Variants in LANCL3 observed in about 807,000 individuals in gnomAD.
LANCL3 encodes LanC like family member 3.
LANCL3 carries 19 observed loss-of-function variants against 26.5 expected under a neutral mutation model. The observed-to-expected ratio is 0.72, with a 90% CI of 0.50 to 1.05. The LOEUF is 1.05. Among genes scored for constraint, LANCL3 ranks in the 50% least tolerant of loss-of-function variants. The probability of loss-of-function intolerance (pLI) is 0.00; values close to 1 mark genes in which losing one functional copy is unlikely to be tolerated. For missense variants in LANCL3, 318 were observed against 362.7 expected, an observed-to-expected ratio of 0.88 and a Z score of 1.00; for synonymous variants, 160 against 166.6, an observed-to-expected ratio of 0.96 and a Z score of 0.30.
At chrX:37,604,726 T>A (rs1556420368) in intron 1 of LANCL3, among the ~76,000 whole-genome samples, 1 of 112,417 alleles carries the variant, frequency 8.9e-6, no homozygotes, top group African/African-American at 3.2e-5. Flanking sequence ...TTGGAAGTGT[T>A]GCACCGTCAC....
intron 1 of LANCL3, among the ~76,000 whole-genome samples, chrX:37,588,197 A>T (rs1924160315): frequency 8.9e-6 from 1 of 112,122 alleles, no homozygotes; most frequent in South Asian, 3.7e-4. Context: ...TTAATTTAGT[A>T]AATGATGTTT....
At chrX:37,585,007 CATT>C (rs1556417639) in intron 1 of LANCL3, among the ~76,000 whole-genome samples, 2 of 111,897 alleles carry the variant, frequency 1.8e-5, no homozygotes, top group African/African-American at 6.5e-5. Flanking sequence ...TCTTTGTTCT[CATT>C]GGTTTCAGAG....
intron 1 of LANCL3, among the ~76,000 whole-genome samples, chrX:37,634,221 G>T (rs1433818490): frequency 2.7e-5 from 3 of 112,655 alleles, no homozygotes; most frequent in African/African-American, 9.7e-5. Flanking sequence ...CTCCGTGGAC[G>T]TAGGACCCTT....
At chrX:37,653,653 T>A (rs1421507148) in intron 1 of LANCL3, among the ~76,000 whole-genome samples, 1 of 112,363 alleles carries the variant, frequency 8.9e-6, no homozygotes, top group Non-Finnish European at 1.9e-5. Context: ...CAGTTGGCAC[T>A]GATAAAGACA....
Position 37,684,086 on chromosome X carries a change from C to T in LANCL3, c.*8273C>T, listed in dbSNP as rs1301144528. The T allele has an allele frequency of 8.9e-6, 1 of 112,009 alleles. No homozygotes were observed. Among genetic ancestry groups the T allele is most frequent in the Non-Finnish European group, 1.9e-5 (1 of 53,189 alleles). The allele number at this position is 112,009 out of a possible 1,213,427, so 9.2% of individuals were successfully genotyped here. A position where few individuals can be genotyped will look rare whatever the true frequency, so the allele number is the denominator to read the frequency against. ...CTTGCAAATGCTCATCAGAATTTAGCTTTTGTTATTGGTTGTTCTGCAGGG... is the reference window on the plus strand; with the variant it reads ...CTTGCAAATGCTCATCAGAATTTAGTTTTTGTTATTGGTTGTTCTGCAGGG... On this transcript the variant is annotated 3_prime_UTR_variant, in exon 5 of 5. Coordinates refer to ENST00000378619, the MANE Select transcript of LANCL3 (RefSeq NM_001170331.2).
At chrX:37,634,323 G>A (rs1925639611) in intron 1 of LANCL3, among the ~76,000 whole-genome samples, 1 of 112,691 alleles carries the variant, frequency 8.9e-6, no homozygotes, top group African/African-American at 3.2e-5. Flanking sequence ...CCAATTTTCC[G>A]ATTTTCCAGG....
chrX:37,650,333 C>T (rs1444335243), intron 1 of LANCL3, among the ~76,000 whole-genome samples: 1 of 100,930 alleles, frequency 9.9e-6, no homozygotes, highest in Non-Finnish European at 2.0e-5. Flanking sequence ...GCCCCAATGC[C>T]GGGTCCCATG....
intron 3 of LANCL3, among the ~76,000 whole-genome samples, chrX:37,664,024 G>A (rs1556433260): frequency 8.9e-6 from 1 of 111,904 alleles, no homozygotes; most frequent in Non-Finnish European, 1.9e-5. Context: ...TCCCTGTGAG[G>A]GGTGGCTGCA....
At chrX:37,596,067 C>G (rs1445445956) in intron 1 of LANCL3, among the ~76,000 whole-genome samples, 1 of 112,136 alleles carries the variant, frequency 8.9e-6, no homozygotes, top group Non-Finnish European at 1.9e-5. Context: ...AATATCTAAT[C>G]ATATCCTTCT....
intron 1 of LANCL3, among the ~76,000 whole-genome samples, chrX:37,575,027 G>A (rs1923710687): frequency 9.2e-6 from 1 of 109,186 alleles, no homozygotes. Context: ...CTGGGCTCAG[G>A]CGATCCTCCT....
intron 1 of LANCL3, among the ~76,000 whole-genome samples, chrX:37,643,052 A>G (rs1213697748): frequency 1.8e-5 from 2 of 112,083 alleles, no homozygotes; most frequent in Non-Finnish European, 3.8e-5. Flanking sequence ...AGAGAAAGGT[A>G]TGATGTGAAA....
chrX:37,611,371 G>GT (rs781873024), intron 1 of LANCL3, among the ~76,000 whole-genome samples: 8 of 110,574 alleles, frequency 7.2e-5, no homozygotes, highest in African/African-American at 2.3e-4. Flanking sequence ...GCTGTGGTGG[G>GT]TTTTTTTTGA....
At chrX:37,672,865 G>T (rs1469902006) in intron 4 of LANCL3, among the ~76,000 whole-genome samples, 1 of 111,700 alleles carries the variant, frequency 9.0e-6, no homozygotes, top group Non-Finnish European at 1.9e-5. Flanking sequence ...TTGCCATGGG[G>T]AGCCCATTTT....
intron 1 of LANCL3, among the ~76,000 whole-genome samples, chrX:37,647,851 G>A (rs1477486535): frequency 8.9e-6 from 1 of 112,819 alleles, no homozygotes; most frequent in African/African-American, 3.2e-5. Context: ...GTTTCCTTGG[G>A]CTCTACCCAC....
rs1300711847 is a variant in LANCL3, at chrX:37,679,954, T to A, written c.*4141T>A. ...CCCTGATTCACCAACTTCTCCTTCT[T>A]CTCCTCTTTAAATATTATAGTTCAT... is the stretch of plus-strand genomic sequence containing the variant. On this transcript the variant is annotated 3_prime_UTR_variant, in exon 5 of 5. Transcript: ENST00000378619. The A allele has an allele frequency of 9.0e-6, 1 of 111,643 alleles. No homozygotes were observed. The highest frequency in any genetic ancestry group is 1.9e-5 in the Non-Finnish European group (1 of 53,136). 9.2% of individuals were successfully genotyped at this position (111,643 alleles called of 1,213,427 possible).
chrX:37,646,094 G>A (rs1181242103), intron 1 of LANCL3, among the ~76,000 whole-genome samples: 3 of 112,413 alleles, frequency 2.7e-5, no homozygotes, highest in African/African-American at 9.7e-5. Context: ...CTACTTTTAG[G>A]ATTTAAATGA....
At chrX:37,616,190 A>C (rs1925002180) in intron 1 of LANCL3, among the ~76,000 whole-genome samples, 1 of 111,603 alleles carries the variant, frequency 9.0e-6, no homozygotes, top group Non-Finnish European at 1.9e-5. Flanking sequence ...AGAACTCTCT[A>C]TCCACTCCTA....
intron 3 of LANCL3, among the ~76,000 whole-genome samples, chrX:37,662,442 G>C (rs1220866729): frequency 1.8e-5 from 2 of 111,812 alleles, no homozygotes; most frequent in African/African-American, 6.5e-5. Context: ...TTGGGTAGGT[G>C]ACTTTGAATA....
intron 1 of LANCL3, among the ~76,000 whole-genome samples, chrX:37,622,994 T>G (rs1360383653): frequency 8.9e-6 from 1 of 112,368 alleles, no homozygotes; most frequent in African/African-American, 3.2e-5. Context: ...AGGATATTAT[T>G]TCAACTGTAC....
Sources: gnomAD v4.1 joint callset for allele counts (sites outside exome capture counted in the v4.1 genomes callset) on GRCh38, gnomAD v4.1.1 for gene constraint, MANE v1.5 for transcripts, NCBI Gene and HGNC (gene_info 2026-07-23, HGNC 2026-07-21) for gene names.